CPS1: variants seen among roughly 807,000 people sequenced by gnomAD.
CPS1 encodes carbamoyl-phosphate synthase [ammonia], mitochondrial.
CPS1 carries 109 observed loss-of-function variants against 174.6 expected under a neutral mutation model. The ratio of observed to expected loss-of-function variants is 0.62; its 90% CI spans 0.53 to 0.73. The LOEUF (loss-of-function observed/expected upper bound fraction) is 0.73. Ranked by LOEUF, CPS1 falls within the 30% of genes least tolerant of loss-of-function variation. The probability of loss-of-function intolerance (pLI) is 0.00; values close to 1 mark genes in which losing one functional copy is unlikely to be tolerated. For synonymous variants in CPS1, 637 were observed against 632.0 expected, an observed-to-expected ratio of 1.01 and a Z score of -0.12; for missense variants, 1,689 against 1,821.9, an observed-to-expected ratio of 0.93 and a Z score of 1.33.
In CPS1 at chr2:210,506,262, C is replaced by G. The variant is rs529955011; in HGVS notation, c.3+28496C>G. On this transcript the variant is annotated intron_variant, in intron 1 of 38. Transcript: ENST00000430249. Reference sequence around the variant, plus strand: ...GTTCTGCAGCCTCCGCTTCTGATACCCAGGCAAACAGGGTCAGGAGTGGAC... The same window carrying G: ...GTTCTGCAGCCTCCGCTTCTGATACGCAGGCAAACAGGGTCAGGAGTGGAC... 2.3e-3 allele frequency among the ~76,000 whole-genome samples: 351 copies of G among 152,174 alleles called. 5 individuals carry two copies. Among genetic ancestry groups the G allele is most frequent in the Non-Finnish European group, 3.7e-3 (251 of 68,016 alleles).
chr2:210,562,699 A>G (rs1249005507), intron 1 of CPS1, among the ~76,000 whole-genome samples: 1 of 152,160 alleles, frequency 6.6e-6, no homozygotes, highest in Admixed American at 6.5e-5. Flanking sequence ...CGTATGTTAT[A>G]TAGCCTTAGG....
intron 1 of CPS1, among the ~76,000 whole-genome samples, chr2:210,482,992 G>GAA (rs1694615242): frequency 6.6e-6 from 1 of 152,082 alleles, no homozygotes; most frequent in Non-Finnish European, 1.5e-5. Context: ...TGATCAACCA[G>GAA]AAACTTAAAC....
At chr2:210,584,195 A>G (rs900296802) in intron 6 of CPS1, among the ~76,000 whole-genome samples, 2 of 151,996 alleles carry the variant, frequency 1.3e-5, no homozygotes, top group African/African-American at 4.8e-5. Context: ...TCCTAGGACT[A>G]TGTATTTGGT....
chr2:210,616,533 C>G lies in CPS1; in HGVS notation c.2679C>G (p.Gly893=), dbSNP rs2287599. 906,478 of 1,585,376 alleles carry G rather than the reference C, an allele frequency of 0.57. 264,621 individuals carry two copies. Among genetic ancestry groups the G allele is most frequent in the African/African-American group, 0.87 (64,563 of 74,210 alleles). The change falls in exon 21 of 38, where the codon GGC becomes GGG. Residue 893 remains glycine (G), a synonymous_variant. Transcript: ENST00000233072. ...TAAACATGGAAAAGACACTGAAAGG[C>G]CTCAACAGGTAAGGCAGTGCTGCTC... is the stretch of plus-strand genomic sequence containing the variant. The part of the protein sequence containing the change: ...DILNMEKTLK[G]LNSESMTEET...
intron 4 of CPS1, among the ~76,000 whole-genome samples, 187 bp from the exon 5 acceptor site, chr2:210,579,527 C>G (rs1420070810): frequency 1.3e-5 from 2 of 152,102 alleles, no homozygotes; most frequent in Admixed American, 1.3e-4. Flanking sequence ...ATTAAGAGTC[C>G]TATGCCTAAC....
chr2:210,571,907 G>A (rs942476132), intron 1 of CPS1, among the ~76,000 whole-genome samples: 15 of 136,602 alleles, frequency 1.1e-4, no homozygotes, highest in Non-Finnish European at 2.1e-4. Flanking sequence ...GTGTGTGTGT[G>A]TGTATGTGTA....
intron 1 of CPS1, among the ~76,000 whole-genome samples, chr2:210,550,984 C>T (rs887064998): frequency 2.0e-5 from 3 of 151,540 alleles, no homozygotes; most frequent in Non-Finnish European, 4.4e-5. Flanking sequence ...TCTTAAATTC[C>T]ACTCTAAGTT....
intron 1 of CPS1, among the ~76,000 whole-genome samples, chr2:210,511,405 A>G (rs539454130): frequency 6.6e-6 from 1 of 152,138 alleles, no homozygotes; most frequent in East Asian, 1.9e-4. Context: ...GCGGGTAGGG[A>G]GAGCATTAGG....
At chr2:210,486,842 T>C (rs796791026) in intron 1 of CPS1, among the ~76,000 whole-genome samples, 1 of 152,096 alleles carries the variant, frequency 6.6e-6, no homozygotes, top group African/African-American at 2.4e-5. Context: ...GGTCAACTTC[T>C]CCTTTGCTCA....
chr2:210,607,377 C>A (rs991831567), intron 18 of CPS1, among the ~76,000 whole-genome samples: 3 of 151,904 alleles, frequency 2.0e-5, no homozygotes, highest in Admixed American at 2.0e-4. Context: ...ATCAAAACTC[C>A]ACAAGACTGA....
At chr2:210,672,949 G>A (rs1381319759) in intron 34 of CPS1, 1 of 152,136 alleles carries the variant, frequency 6.6e-6, no homozygotes, top group Non-Finnish European at 1.5e-5. Context: ...ATTTAGATCT[G>A]TGCTCAGAAA....
intron 6 of CPS1, 74 bp downstream of exon 6, chr2:210,582,783 A>G (rs1697968709): frequency 8.5e-7 from 1 of 1,172,950 alleles, no homozygotes; most frequent in Non-Finnish European, 1.3e-6. Flanking sequence ...CAAAATCTTT[A>G]TTTAGGCAGA....
intron 1 of CPS1, among the ~76,000 whole-genome samples, chr2:210,525,764 T>A (rs946128962): frequency 6.6e-6 from 1 of 150,556 alleles, no homozygotes; most frequent in African/African-American, 2.4e-5. Flanking sequence ...TTGCTTAATA[T>A]ACAGGTGGAG....
chr2:210,658,746 T>G, intron 31 of CPS1, 58 bp downstream of exon 31: 1 of 1,245,620 alleles, frequency 8.0e-7, no homozygotes, highest in African/African-American at 1.5e-5. Context: ...CATGTTGGTT[T>G]GCATCTCTCT....
intron 36 of CPS1, 90 bp from the exon 37 acceptor site, chr2:210,676,917 G>A (rs1231954736): frequency 1.2e-5 from 16 of 1,295,360 alleles, no homozygotes; most frequent in Non-Finnish European, 1.7e-5. Flanking sequence ...GCATTGACTT[G>A]AATGGCTAAG....
intron 13 of CPS1, among the ~76,000 whole-genome samples, chr2:210,597,865 T>A (rs1368133892): frequency 6.6e-6 from 1 of 151,248 alleles, no homozygotes; most frequent in Admixed American, 6.6e-5. Context: ...CACACATGCA[T>A]GCATACACAT....
chr2:210,658,427 T>G, intron 30 of CPS1, 172 bp from the exon 31 acceptor site: 1 of 590,036 alleles, frequency 1.7e-6, no homozygotes, highest in Non-Finnish European at 3.0e-6. Context: ...GCATATTATT[T>G]TGTTAATAGA....
At chr2:210,481,761 G>C (rs143098543) in intron 1 of CPS1, among the ~76,000 whole-genome samples, 1 of 152,348 alleles carries the variant, frequency 6.6e-6, no homozygotes, top group African/African-American at 2.4e-5. Context: ...CAGGTGTATA[G>C]GTGAGTAACT....
chr2:210,665,058 C>G (rs1422941341), intron 33 of CPS1, among the ~76,000 whole-genome samples: 1 of 152,136 alleles, frequency 6.6e-6, no homozygotes, highest in Non-Finnish European at 1.5e-5. Flanking sequence ...ATTTTTAAAA[C>G]CTCGTCTGTG....
Sources: gnomAD v4.1 joint callset for allele counts (sites outside exome capture counted in the v4.1 genomes callset) on GRCh38, gnomAD v4.1.1 for gene constraint, MANE v1.5 for transcripts, NCBI Gene and HGNC (gene_info 2026-07-23, HGNC 2026-07-21) for gene names.